Variants in NUP214 observed in about 807,000 individuals in gnomAD.
NUP214 encodes the protein nucleoporin 214, also known as nuclear pore complex protein Nup214.
Under a neutral mutation model 196.2 loss-of-function variants are expected in NUP214, and 79 were observed. The ratio of observed to expected loss-of-function variants is 0.40; its 90% CI spans 0.34 to 0.49. The LOEUF is 0.49. NUP214 is among the 20% of genes least tolerant of loss of function. NUP214 has a pLI of 0.58. For synonymous variants in NUP214, 1,020 were observed against 990.5 expected (o/e 1.03, Z -0.56); for missense variants, 2,468 against 2,539.0 (o/e 0.97, Z 0.60).
chr9:131,125,660 C>G lies in NUP214; in HGVS notation c.-45C>G, dbSNP rs202135305. The G allele has an allele frequency of 3.8e-5, 59 of 1,545,274 alleles. No individual in the cohort carries two copies. The East Asian group carries it at 1.4e-3, about 38-fold the overall frequency. ...GCGGCCTGGGTTCCGTGGGCAAGGC[C>G]GTGGGAGGCAGCGTTGGCTGCTTCG... On this transcript the variant is annotated 5_prime_UTR_variant, in exon 1 of 36. Transcript: ENST00000359428. This position sits in a 1 kb window ranked among gnomAD's most constrained non-coding sequence, Gnocchi z 4.1.
At chr9:131,128,924 T>A (rs1409055156) in intron 3 of NUP214, 1 of 332,502 alleles carries the variant, frequency 3.0e-6, no homozygotes, top group Admixed American at 4.8e-5. Flanking sequence ...CTTCATTTTA[T>A]AGGTAGAGAA....
intron 30 of NUP214, among the ~76,000 whole-genome samples, chr9:131,203,980 C>A (rs1834008865): frequency 6.6e-6 from 1 of 152,174 alleles, no homozygotes; most frequent in Non-Finnish European, 1.5e-5. Context: ...GGTCTCAGCC[C>A]CTGACTAGAC....
Position 131,169,034 on chromosome 9 carries a change from G to GTTTT in NUP214, c.2893+4903_2893+4906dup, listed in dbSNP as rs58054099. 2.9e-3 allele frequency among the ~76,000 whole-genome samples: 364 copies of GTTTT among 124,126 alleles called. 5 individuals are homozygous for GTTTT. Among genetic ancestry groups the GTTTT allele is most frequent in the African/African-American group, 0.011 (345 of 32,552 alleles). 81.4% of individuals were successfully genotyped at this position (124,126 alleles called of 152,430 possible). A position where few individuals can be genotyped will look rare whatever the true frequency, so the allele number is the denominator to read the frequency against. On this transcript the variant is annotated intron_variant, in intron 21 of 35. Transcript: ENST00000359428. The stretch of plus-strand genomic sequence containing the variant: ...TATTCTGCTTACTTTGTTTTTTTTT[G>GTTTT]TTTTTTTTTTTTTTTTGGAGACAGA...
At chr9:131,206,019 A>G (rs2131062157) in intron 30 of NUP214, among the ~76,000 whole-genome samples, 1 of 152,212 alleles carries the variant, frequency 6.6e-6, no homozygotes, top group East Asian at 1.9e-4. Flanking sequence ...GCACGTATGT[A>G]TCAGGATACA....
chr9:131,148,432 A>G (rs540544046), intron 14 of NUP214, among the ~76,000 whole-genome samples: 20 of 152,262 alleles, frequency 1.3e-4, no homozygotes, highest in African/African-American at 4.6e-4. Flanking sequence ...GTTCCAGTTG[A>G]CATCTTCAAT....
chr9:131,231,085 G>T (rs1023647086), intron 34 of NUP214, among the ~76,000 whole-genome samples: 1 of 152,070 alleles, frequency 6.6e-6, no homozygotes, highest in Non-Finnish European at 1.5e-5. Context: ...TCACTTGAGC[G>T]CTGCAGTGAG....
intron 34 of NUP214, among the ~76,000 whole-genome samples, chr9:131,231,451 A>G (rs1262520525): frequency 6.6e-6 from 1 of 152,072 alleles, no homozygotes; most frequent in South Asian, 2.1e-4. Flanking sequence ...TCGGCCTCCC[A>G]GAGTGCTGGG....
intron 32 of NUP214, among the ~76,000 whole-genome samples, chr9:131,223,723 A>ATTTTTTTTTTTTTTTTTTTT (rs1222974193): frequency 3.2e-4 from 6 of 18,968 alleles, no homozygotes; most frequent in Non-Finnish European, 3.7e-4. Context: ...TTATTTATTT[A>ATTTTTTTTTTTTTTTTTTTT]TTTATTTTTT....
At position 131,174,225 on chromosome 9, in the gene NUP214, C is replaced by T; in HGVS notation, c.3064C>T (p.Pro1022Ser). 2 of 1,613,990 alleles carry T rather than the reference C, an allele frequency of 1.2e-6. No individual in the cohort carries two copies. The highest frequency in any genetic ancestry group is 2.2e-5 in the East Asian group (1 of 44,868). ...APRHAPVVRT[P>S]SIQPSLLPHA... ...TCGGCACGCCCCCGTGGTTCGCACTCCTTCCATCCAGCCCAGTCTCTTGCC... is the reference window on the plus strand; with the variant it reads ...TCGGCACGCCCCCGTGGTTCGCACTTCTTCCATCCAGCCCAGTCTCTTGCC... Residue 1022 changes from proline to serine, a missense_variant, in exon 22 of 36, where the codon CCT (proline) becomes TCT (serine). Transcript: ENST00000359428.
At chr9:131,203,174 T>C (rs1488496327) in intron 30 of NUP214, among the ~76,000 whole-genome samples, 2 of 151,566 alleles carry the variant, frequency 1.3e-5, no homozygotes, top group East Asian at 3.9e-4. Flanking sequence ...CTCGATCTCC[T>C]GATCTCGTGA....
chr9:131,171,547 C>CTTTTTTTTTTT (rs11334591), intron 21 of NUP214, among the ~76,000 whole-genome samples: 8 of 127,340 alleles, frequency 6.3e-5, no homozygotes, highest in Admixed American at 7.9e-5. Context: ...GGAAGATTTT[C>CTTTTTTTTTTT]TTTTTTTTTT....
At chr9:131,166,224 A>G (rs1397435394) in intron 21 of NUP214, among the ~76,000 whole-genome samples, 1 of 152,216 alleles carries the variant, frequency 6.6e-6, no homozygotes, top group African/African-American at 2.4e-5. Context: ...TGCCTTATAA[A>G]GACAGCACAA....
Position 131,146,382 on chromosome 9 carries a change from C to A in NUP214, c.1945+78C>A. ...CGGTTTTAAGTGTTAAGAGTCGTAG[C>A]TAACATAGTTGGACAAGGTTATTTT... is the stretch of plus-strand genomic sequence containing the variant. On this transcript the variant is annotated intron_variant, in intron 13 of 35. Transcript: ENST00000359428. The surrounding 1 kb of genome is among the most constrained non-coding windows in gnomAD (Gnocchi z 4.6). The A allele has an allele frequency of 7.1e-7, 1 of 1,411,338 alleles. No individual in the cohort carries two copies. The highest frequency in any genetic ancestry group is 9.9e-7 in the Non-Finnish European group (1 of 1,013,928). The allele number at this position is 1,411,338 out of a possible 1,614,324, so 87.4% of individuals were successfully genotyped here.
At chr9:131,159,313 C>G (rs1308392299) in intron 17 of NUP214, 70 bp from the exon 18 acceptor site, 5 of 1,015,596 alleles carry the variant, frequency 4.9e-6, no homozygotes, top group Non-Finnish European at 7.5e-6. Flanking sequence ...ATTCTTTTGA[C>G]TGTTTTGATA....
At chr9:131,188,947 C>T in intron 25 of NUP214, 106 bp from the exon 26 acceptor site, 109 of 799,650 alleles carry the variant, frequency 1.4e-4, no homozygotes, top group South Asian at 4.0e-4. Context: ...AGTATTTGTC[C>T]TTGCTTATTT....
rs1831403335 is a variant in NUP214 at position 131,127,631 on chromosome 9, C to G, written c.153C>G (p.Val51=). ...LLAVSNKYGL[V]FAGGASGLQI... is the part of the protein sequence containing the mutation. ...CTGTGTCCAACAAATATGGTCTGGTCTTCGCTGGTGGAGCCAGTGGCTTGC... is the reference window on the plus strand; with the variant it reads ...CTGTGTCCAACAAATATGGTCTGGTGTTCGCTGGTGGAGCCAGTGGCTTGC... The change falls in exon 2 of 36, where the codon GTC becomes GTG. Residue 51 remains valine, a synonymous_variant. Transcript: ENST00000359428. 9 of 1,614,086 alleles carry G rather than the reference C, an allele frequency of 5.6e-6. No individual in the cohort carries two copies. The highest frequency in any genetic ancestry group is 4.0e-5 in the African/African-American group (3 of 75,022).
Position 131,129,128 on chromosome 9 carries a change from T to C in NUP214, c.394-151T>C, listed in dbSNP as rs1831450887. Reference sequence around the variant, plus strand: ...GTTGAAATTGTCTATAGCAAATAGATTGATGCATAAAACAATCTTTTTTTA... The same window carrying C: ...GTTGAAATTGTCTATAGCAAATAGACTGATGCATAAAACAATCTTTTTTTA... On this transcript the variant is annotated intron_variant, in intron 3 of 35. Transcript: ENST00000359428. 9 of 668,706 alleles carry C rather than the reference T, an allele frequency of 1.3e-5. No individual in the cohort carries two copies. The South Asian group carries it at 1.6e-4, about 12-fold the overall frequency. The allele number at this position is 668,706 out of a possible 1,614,324, so 41.4% of individuals were successfully genotyped here.
At position 131,175,621 on chromosome 9, in the gene NUP214, G is replaced by A; in HGVS notation, c.3319G>A (p.Ala1107Thr). 6.2e-7 allele frequency: 1 copy of A among 1,613,990 alleles called. No homozygotes were observed. The highest frequency in any genetic ancestry group is 2.2e-5 in the East Asian group (1 of 44,882). ...LRRQMASQAP[A>T]VNTLTESTLK... is the part of the protein sequence containing the mutation. ...GCGGCAGATGGCCAGTCAGGCACCA[G>A]GTAAAAGCTGTAGCCCCATACCTGT... The change falls in exon 23 of 36, where the codon GCT becomes ACT. Residue 1107 changes from alanine to threonine, a missense_variant and splice_region_variant. Around this residue, in one of 5 missense-constraint regions of NUP214, gnomAD observed 1,801 missense variants for 1,779.4 expected, o/e 1.01. Transcript: ENST00000359428.
intron 32 of NUP214, among the ~76,000 whole-genome samples, chr9:131,224,302 A>G (rs1278905151): frequency 2.0e-5 from 3 of 152,100 alleles, no homozygotes; most frequent in Admixed American, 6.5e-5. Flanking sequence ...CATTTCTGTC[A>G]TCTGCCTCTC....
Sources: gnomAD v4.1 joint callset for allele counts (sites outside exome capture counted in the v4.1 genomes callset) on GRCh38, gnomAD v4.1.1 for gene constraint, gnomAD v4.1.1 regional missense constraint, Gnocchi (gnomAD v3.1) non-coding constraint, MANE v1.5 for transcripts, NCBI Gene and HGNC (gene_info 2026-07-23, HGNC 2026-07-21) for gene names.